Variants in DPP10 observed in about 807,000 individuals in gnomAD.
DPP10 encodes inactive dipeptidyl peptidase 10.
A neutral mutation model predicts 120.9 loss-of-function variants in DPP10; 33 were observed. The ratio of observed to expected loss-of-function variants is 0.27; its 90% CI spans 0.21 to 0.37. The LOEUF is 0.37. Among genes scored for constraint, DPP10 ranks in the 10% least tolerant of loss-of-function variants. The pLI, the probability that DPP10 is intolerant of heterozygous loss-of-function variation, is 1.00. For missense variants in DPP10, 816 were observed against 942.8 expected (o/e 0.87, Z 1.76); for synonymous variants, 337 against 326.1 (o/e 1.03, Z -0.36).
At chr2:115,374,652 C>G (rs1471535030) in intron 3 of DPP10, among the ~76,000 whole-genome samples, 1 of 152,210 alleles carries the variant, frequency 6.6e-6, no homozygotes, top group Non-Finnish European at 1.5e-5. Flanking sequence ...GCCTGGACAT[C>G]CAGGCGTTTC....
chr2:114,507,143 G>C (rs1220772396), intron 1 of DPP10, among the ~76,000 whole-genome samples: 1 of 151,206 alleles, frequency 6.6e-6, no homozygotes, highest in Non-Finnish European at 1.5e-5. Context: ...CACCTCCTGG[G>C]CTCAAGTGAT....
At chr2:115,120,255 A>G (rs1386958487) in intron 1 of DPP10, among the ~76,000 whole-genome samples, 2 of 152,184 alleles carry the variant, frequency 1.3e-5, no homozygotes, top group Admixed American at 6.5e-5. Context: ...GCCAAGTCCT[A>G]TGAGAAGGGG....
chr2:115,702,484 C>T (rs2091931837), intron 7 of DPP10, among the ~76,000 whole-genome samples: 1 of 152,098 alleles, frequency 6.6e-6, no homozygotes, highest in Non-Finnish European at 1.5e-5. Context: ...TATATTCAAA[C>T]AATGAAATTA....
chr2:115,633,929 T>A (rs777176564), intron 5 of DPP10, among the ~76,000 whole-genome samples: 8 of 152,202 alleles, frequency 5.3e-5, no homozygotes, highest in Non-Finnish European at 8.8e-5. Context: ...CTATCAGTCA[T>A]AGGTTCAGTC....
chr2:115,444,154 A>C (rs555668344), intron 3 of DPP10, among the ~76,000 whole-genome samples: 1 of 152,342 alleles, frequency 6.6e-6, no homozygotes, highest in East Asian at 1.9e-4. Flanking sequence ...TGAAAGAAGT[A>C]AATTTGAGCC....
intron 5 of DPP10, among the ~76,000 whole-genome samples, chr2:115,622,667 C>G (rs1008723358): frequency 6.6e-6 from 1 of 151,764 alleles, no homozygotes; most frequent in Non-Finnish European, 1.5e-5. Context: ...TTCACATTCC[C>G]ATCAGCAATA....
chr2:115,663,465 T>A (rs1390915056), intron 5 of DPP10, among the ~76,000 whole-genome samples: 1 of 152,182 alleles, frequency 6.6e-6, no homozygotes, highest in Non-Finnish European at 1.5e-5. Context: ...AAGGAAGACA[T>A]CTTTAAAAGG....
intron 3 of DPP10, among the ~76,000 whole-genome samples, chr2:115,362,352 A>G (rs954200402): frequency 3.3e-5 from 5 of 152,168 alleles, no homozygotes; most frequent in Non-Finnish European, 7.4e-5. Context: ...ATAGTTTTCT[A>G]ACTTAGGTAG....
chr2:115,767,473 A>ATGTG (rs10689084), intron 12 of DPP10, among the ~76,000 whole-genome samples: 44,349 of 150,494 alleles, frequency 0.29, 7,091 homozygotes, highest in Middle Eastern at 0.43. Flanking sequence ...ACATACATAT[A>ATGTG]TGTGTGTGTG....
chr2:114,581,074 A>G (rs1690470707), intron 1 of DPP10, among the ~76,000 whole-genome samples: 1 of 151,188 alleles, frequency 6.6e-6, no homozygotes, highest in East Asian at 1.9e-4. Flanking sequence ...GGGTTTTGGC[A>G]TTTCATTGTT....
At chr2:115,229,362 A>G (rs2057614014) in intron 1 of DPP10, among the ~76,000 whole-genome samples, 1 of 152,158 alleles carries the variant, frequency 6.6e-6, no homozygotes, top group South Asian at 2.1e-4. Context: ...TTTGCTGTGC[A>G]GAAGCTTTTT....
intron 1 of DPP10, among the ~76,000 whole-genome samples, chr2:114,576,479 C>G (rs1410453147): frequency 6.6e-6 from 1 of 152,114 alleles, no homozygotes; most frequent in Non-Finnish European, 1.5e-5. Flanking sequence ...AAGAAGGAAG[C>G]CTGGGGATGG....
chr2:115,597,396 A>C (rs1292454532), intron 5 of DPP10, among the ~76,000 whole-genome samples: 1 of 152,152 alleles, frequency 6.6e-6, no homozygotes, highest in Non-Finnish European at 1.5e-5. Context: ...GATTAAAAAT[A>C]AATAAGAGAA....
intron 3 of DPP10, among the ~76,000 whole-genome samples, chr2:115,420,561 G>A (rs1444505178): frequency 1.3e-5 from 2 of 152,088 alleles, no homozygotes; most frequent in African/African-American, 4.8e-5. Context: ...ATGTTGCTCG[G>A]GCACAATGAG....
intron 21 of DPP10, among the ~76,000 whole-genome samples, chr2:115,821,268 CTAT>C (rs1426517758): frequency 2.0e-5 from 3 of 151,914 alleles, no homozygotes; most frequent in Non-Finnish European, 4.4e-5. Flanking sequence ...CATTTTAAGG[CTAT>C]TATTATTCAG....
intron 1 of DPP10, among the ~76,000 whole-genome samples, chr2:114,630,102 G>C (rs1384427041): frequency 6.6e-6 from 1 of 152,062 alleles, no homozygotes; most frequent in Non-Finnish European, 1.5e-5. Flanking sequence ...GAACATATTA[G>C]CAATATGCTC....
chr2:115,238,219 G>A (rs1383238959), intron 1 of DPP10, among the ~76,000 whole-genome samples: 1 of 152,180 alleles, frequency 6.6e-6, no homozygotes, highest in Non-Finnish European at 1.5e-5. Context: ...GACCTTAAGA[G>A]TTAGGCTGAC....
At chr2:115,240,499 A>G (rs2058222065) in intron 1 of DPP10, among the ~76,000 whole-genome samples, 1 of 152,120 alleles carries the variant, frequency 6.6e-6, no homozygotes, top group African/African-American at 2.4e-5. Context: ...GATTCTGGAT[A>G]TTAGCCTTTA....
chr2:114,876,197 A>G (rs1466963993), intron 1 of DPP10, among the ~76,000 whole-genome samples: 2 of 152,152 alleles, frequency 1.3e-5, no homozygotes, highest in Non-Finnish European at 2.9e-5. Context: ...ACGATCCTCT[A>G]AGATATTATG....
Sources: gnomAD v4.1 joint callset for allele counts (sites outside exome capture counted in the v4.1 genomes callset) on GRCh38, gnomAD v4.1.1 for gene constraint, MANE v1.5 for transcripts, NCBI Gene and HGNC (gene_info 2026-07-23, HGNC 2026-07-21) for gene names.